IL10RB: variants seen among roughly 807,000 people sequenced by gnomAD.
IL10RB encodes interleukin-10 receptor subunit beta.
Under a neutral mutation model 38.7 loss-of-function variants are expected in IL10RB, and 30 were observed. That is an observed-to-expected ratio of 0.78 (90% CI 0.58 to 1.05). The LOEUF is 1.05. Ranked by LOEUF, IL10RB falls within the 50% of genes least tolerant of loss-of-function variation. The probability of loss-of-function intolerance (pLI) is 0.00; values close to 1 mark genes in which losing one functional copy is unlikely to be tolerated. For missense variants in IL10RB, 328 were observed against 397.1 expected (o/e 0.83, Z 1.48); for synonymous variants, 142 against 145.9 (o/e 0.97, Z 0.19).
intron 5 of IL10RB, among the ~76,000 whole-genome samples, chr21:33,284,071 G>A (rs8178506): frequency 0.015 from 2,218 of 152,190 alleles, 67 homozygotes; most frequent in African/African-American, 0.051. Flanking sequence ...CGAGGCGGGC[G>A]GATCACCTGA....
intron 5 of IL10RB, among the ~76,000 whole-genome samples, chr21:33,284,814 G>C (rs944780698): frequency 6.6e-6 from 1 of 152,186 alleles, no homozygotes; most frequent in African/African-American, 2.4e-5. Context: ...CCCAGAAACA[G>C]ATACCGCTAT....
At chr21:33,287,104 T>C (rs1989388458) in intron 5 of IL10RB, among the ~76,000 whole-genome samples, 1 of 151,924 alleles carries the variant, frequency 6.6e-6, no homozygotes, top group South Asian at 2.1e-4. Context: ...GAGAAAAATA[T>C]CCCTGCGTTG....
intron 1 of IL10RB, among the ~76,000 whole-genome samples, chr21:33,303,006 G>A (rs11702575): frequency 0.18 from 26,929 of 152,108 alleles, 2,628 homozygotes; most frequent in East Asian, 0.37. Flanking sequence ...GCCCCTGCTG[G>A]CCATGCTCTT....
chr21:33,302,401 C>T (rs1014814266), intron 1 of IL10RB, among the ~76,000 whole-genome samples: 2 of 152,242 alleles, frequency 1.3e-5, no homozygotes, highest in East Asian at 3.8e-4. Flanking sequence ...GGCCCCCTTG[C>T]GTTAACTTCA....
intron 1 of IL10RB, among the ~76,000 whole-genome samples, chr21:33,303,754 G>A (rs886897338): frequency 6.6e-5 from 10 of 152,174 alleles, no homozygotes; most frequent in African/African-American, 2.4e-4. Flanking sequence ...CCCTGGAAAG[G>A]ACACAAGAGA....
At chr21:33,303,657 C>G (rs2040107) in intron 1 of IL10RB, among the ~76,000 whole-genome samples, 119,351 of 152,156 alleles carry the variant, frequency 0.78, 47,766 homozygotes, top group African/African-American at 0.95. Context: ...TTCATTTTTG[C>G]CTTATTGCTT....
intron 1 of IL10RB, among the ~76,000 whole-genome samples, chr21:33,266,785 GTCC>G (rs1336929456): frequency 6.6e-6 from 1 of 152,132 alleles, no homozygotes; most frequent in African/African-American, 2.4e-5. Flanking sequence ...TTGATTCCCT[GTCC>G]TCCTGCAGCT....
rs1233055408 is a variant in IL10RB at position 33,283,136 on chromosome 21, C to T, written c.541C>T (p.Leu181=). The change falls in exon 5 of 7, where the codon CTG becomes TTG. Residue 181 remains leucine, a synonymous_variant. Transcript: ENST00000290200. ...GTATGACTTTGAGGTCCTCAGAAAC[C>T]TGGAGCCATGGACAACTTATTGTGT... ...PQYDFEVLRN[L]EPWTTYCVQV... is the part of the protein sequence containing the mutation. The T allele has an allele frequency of 3.1e-6, 5 of 1,613,652 alleles. No individual in the cohort carries two copies. In the African/African-American group the frequency reaches 5.3e-5, roughly 17 times the overall value.
At chr21:33,289,201 G>A (rs1405861208) in intron 6 of IL10RB, among the ~76,000 whole-genome samples, 3 of 152,234 alleles carry the variant, frequency 2.0e-5, no homozygotes. Context: ...TGAGAGGTGA[G>A]ACAGCAGCAG....
At chr21:33,282,075 T>C (rs958504989) in intron 4 of IL10RB, among the ~76,000 whole-genome samples, 1 of 152,106 alleles carries the variant, frequency 6.6e-6, no homozygotes, top group Admixed American at 6.6e-5. Flanking sequence ...TTTTCAGTTG[T>C]TGCTTTGATT....
intron 5 of IL10RB, 112 bp downstream of exon 5, chr21:33,283,353 C>T (rs1989314711): frequency 9.2e-7 from 1 of 1,089,546 alleles, no homozygotes; most frequent in Non-Finnish European, 1.4e-6. Context: ...ATCTATCGCC[C>T]TGACATTATC....
At chr21:33,286,971 G>A (rs1033898061) in intron 5 of IL10RB, among the ~76,000 whole-genome samples, 3 of 152,156 alleles carry the variant, frequency 2.0e-5, no homozygotes, top group South Asian at 2.1e-4. Flanking sequence ...GGTCAGTGCC[G>A]TGAGGCCCTC....
Position 33,296,452 on chromosome 21 carries a change from AC to A in IL10RB, c.*97del. 1 of 1,203,810 alleles carries A rather than the reference AC, an allele frequency of 8.3e-7. No homozygotes were observed. Among genetic ancestry groups the A allele is most frequent in the Non-Finnish European group, 1.2e-6 (1 of 833,932 alleles). 74.6% of individuals were successfully genotyped at this position (1,203,810 alleles called of 1,614,324 possible). On this transcript the variant is annotated 3_prime_UTR_variant, in exon 7 of 7. Coordinates refer to ENST00000290200, the MANE Select transcript of IL10RB (RefSeq NM_000628.5). ...ATCAGGGCAGCAAACAAGGGCCAAGACCATCTGAGCCAGCCCCACATCTAGA... is the reference window on the plus strand; with the variant it reads ...ATCAGGGCAGCAAACAAGGGCCAAGACATCTGAGCCAGCCCCACATCTAGA...
downstream of IL10RB, among the ~76,000 whole-genome samples, chr21:33,301,778 TAAAG>T (rs1344020785): frequency 2.6e-5 from 4 of 152,212 alleles, no homozygotes; most frequent in African/African-American, 9.6e-5. Context: ...ATTTTTCAGA[TAAAG>T]AAACTATGGC....
chr21:33,270,830 G>A (rs537007979), intron 2 of IL10RB, among the ~76,000 whole-genome samples: 93 of 151,944 alleles, frequency 6.1e-4, no homozygotes, highest in Non-Finnish European at 1.2e-3. Context: ...ACATGCCACC[G>A]TGCCCAACTG....
chr21:33,270,910 A>G (rs1267398395), intron 2 of IL10RB, among the ~76,000 whole-genome samples: 1 of 147,438 alleles, frequency 6.8e-6, no homozygotes, highest in Non-Finnish European at 1.5e-5. Flanking sequence ...CCTGGCCTCA[A>G]GTGATCCACC....
Position 33,273,604 on chromosome 21 carries a change from C to T in IL10RB, c.174-2992C>T, listed in dbSNP as rs8178467. 5.9e-3 allele frequency among the ~76,000 whole-genome samples: 897 copies of T among 152,304 alleles called. 13 individuals carry two copies. Among genetic ancestry groups the T allele is most frequent in the African/African-American group, 0.021 (856 of 41,554 alleles). The stretch of plus-strand genomic sequence containing the variant: ...ATGACAATGAAGTCTGCTGCATCAA[C>T]TAACTCTTCCTTTCATGACAGATTT... On this transcript the variant is annotated intron_variant, in intron 2 of 6. Transcript: ENST00000290200.
intron 5 of IL10RB, among the ~76,000 whole-genome samples, chr21:33,286,989 G>A (rs190913546): frequency 2.6e-5 from 4 of 151,886 alleles, no homozygotes; most frequent in African/African-American, 7.2e-5. Flanking sequence ...CTCTGTGTCT[G>A]TGAACCGGTG....
rs1039892187 is a variant in IL10RB at position 33,268,133 on chromosome 21, T to A, written c.50-261T>A. ...AAATCCATGTGCCCACCCTACCCCC[T>A]CATAGCTTTCTGCCACCAGACAAAT... On this transcript the variant is annotated intron_variant, in intron 1 of 6. Transcript: ENST00000290200. 2.2e-5 allele frequency: 23 copies of A among 1,068,906 alleles called. No individual in the cohort carries two copies. In the South Asian group the frequency reaches 3.9e-4, roughly 18 times the overall value. 66.2% of individuals were successfully genotyped at this position (1,068,906 alleles called of 1,614,324 possible).
Sources: allele counts gnomAD v4.1 joint callset (sites outside exome capture counted in the v4.1 genomes callset), GRCh38; gene constraint gnomAD v4.1.1; transcripts MANE v1.5; gene names NCBI Gene and HGNC (gene_info 2026-07-23, HGNC 2026-07-21).